DLGAP2: variants seen among roughly 807,000 people sequenced by gnomAD.
DLGAP2 encodes DLG associated protein 2.
Under a neutral mutation model 100.3 loss-of-function variants are expected in DLGAP2, and 26 were observed. That is an observed-to-expected ratio of 0.26 (90% CI 0.19 to 0.36). The LOEUF is 0.36. Ranked by LOEUF, DLGAP2 falls within the 10% of genes least tolerant of loss-of-function variation. DLGAP2 has a pLI of 1.00. For synonymous variants in DLGAP2, 886 were observed against 630.1 expected, an observed-to-expected ratio of 1.41 and a Z score of -6.08; for missense variants, 1,858 against 1,453.2, an observed-to-expected ratio of 1.28 and a Z score of -4.53.
chr8:822,751 C>G (rs114576532), intron 1 of DLGAP2, among the ~76,000 whole-genome samples: 3 of 152,098 alleles, frequency 2.0e-5, no homozygotes, highest in South Asian at 4.1e-4. Flanking sequence ...TGTCCACAGG[C>G]CTGGGCGTGG....
At chr8:1,230,959 T>C (rs1244156376) in intron 2 of DLGAP2, among the ~76,000 whole-genome samples, 1 of 152,214 alleles carries the variant, frequency 6.6e-6, no homozygotes, top group African/African-American at 2.4e-5. Flanking sequence ...AAAGGATTTA[T>C]GACTTAAGTC....
At chr8:816,409 C>G (rs1388710613) in intron 1 of DLGAP2, among the ~76,000 whole-genome samples, 1 of 151,938 alleles carries the variant, frequency 6.6e-6, no homozygotes, top group African/African-American at 2.4e-5. Flanking sequence ...TCTTATAGTG[C>G]TGGCTTGGTA....
chr8:1,330,682 G>A (rs541608675), intron 3 of DLGAP2, among the ~76,000 whole-genome samples: 6 of 147,510 alleles, frequency 4.1e-5, no homozygotes, highest in African/African-American at 1.0e-4. Context: ...CCGCTTCATG[G>A]GGACTGAGTT....
intron 3 of DLGAP2, among the ~76,000 whole-genome samples, chr8:1,433,918 C>T (rs1425592283): frequency 6.6e-6 from 1 of 152,110 alleles, no homozygotes; most frequent in African/African-American, 2.4e-5. Context: ...CTTACACTCT[C>T]AGAAACCGAG....
At chr8:1,138,859 T>C (rs1284068771) in intron 2 of DLGAP2, among the ~76,000 whole-genome samples, 2 of 152,026 alleles carry the variant, frequency 1.3e-5, no homozygotes, top group African/African-American at 4.8e-5. Context: ...TGGGAAACTC[T>C]TCCTGTTTAT....
chr8:1,613,903 A>C (rs759812689), intron 6 of DLGAP2, among the ~76,000 whole-genome samples: 20 of 152,246 alleles, frequency 1.3e-4, no homozygotes, highest in Non-Finnish European at 2.9e-4. Context: ...AAAATGTTGA[A>C]TGCCAAAGGA....
chr8:1,096,780 G>A (rs1804386489), intron 2 of DLGAP2, among the ~76,000 whole-genome samples: 1 of 145,188 alleles, frequency 6.9e-6, no homozygotes, highest in Non-Finnish European at 1.5e-5. Flanking sequence ...CACCCTCTGT[G>A]GCATGGAGAG....
intron 4 of DLGAP2, among the ~76,000 whole-genome samples, chr8:1,514,184 G>C (rs1800278060): frequency 6.6e-6 from 1 of 152,282 alleles, no homozygotes; most frequent in African/African-American, 2.4e-5. Flanking sequence ...TGACGGGAAA[G>C]AGGAATTGTA....
In DLGAP2 at chr8:1,330,105, A is replaced by G. The variant is rs190760926; in HGVS notation, c.106+71222A>G. Among the ~76,000 whole-genome samples, 3 of 152,284 alleles carry G rather than the reference A, an allele frequency of 2.0e-5. No homozygotes were observed. In the East Asian group the frequency reaches 5.8e-4, roughly 29 times the overall value. On this transcript the variant is annotated intron_variant, in intron 3 of 14. Coordinates refer to ENST00000637795, the MANE Select transcript of DLGAP2 (RefSeq NM_001346810.2). ...TCATGTGGGGTCGAGGTTTCTTTGT[A>G]TCTTGCCCCTGCGAGAGGTGTGGCT...
At chr8:1,037,390 G>C (rs940813898) in intron 2 of DLGAP2, among the ~76,000 whole-genome samples, 4 of 152,046 alleles carry the variant, frequency 2.6e-5, no homozygotes, top group Non-Finnish European at 5.9e-5. Context: ...GGCTTCCCTC[G>C]GTGTTATCAT....
At chr8:812,753 C>T (rs991175433) in intron 1 of DLGAP2, among the ~76,000 whole-genome samples, 2 of 152,116 alleles carry the variant, frequency 1.3e-5, no homozygotes, top group African/African-American at 2.4e-5. Context: ...ATACGGCATA[C>T]AGGAGCTAAG....
rs568139879 is a variant in DLGAP2 at position 1,622,540 on chromosome 8, C to T, written c.1443-4200C>T. ...TTCAGCAAGCAGCTCTGGAACCATT[C>T]GCAAAGGGCGAGAACAAGGTTGAAC... On this transcript the variant is annotated intron_variant, in intron 6 of 14. Coordinates refer to ENST00000637795, the MANE Select transcript of DLGAP2 (RefSeq NM_001346810.2). 7.9e-5 allele frequency: 12 copies of T among 152,308 alleles called. No homozygotes were observed. The East Asian group carries it at 2.3e-3, about 29-fold the overall frequency. 9.4% of individuals were successfully genotyped at this position (152,308 alleles called of 1,614,324 possible). A position where few individuals can be genotyped will look rare whatever the true frequency, so the allele number is the denominator to read the frequency against.
intron 6 of DLGAP2, among the ~76,000 whole-genome samples, chr8:1,599,481 T>C (rs1269215374): frequency 6.6e-6 from 1 of 152,178 alleles, no homozygotes; most frequent in African/African-American, 2.4e-5. Context: ...CCATTATTAT[T>C]GTATGGGAGT....
At chr8:906,851 C>G (rs1465038012) in intron 1 of DLGAP2, among the ~76,000 whole-genome samples, 1 of 152,210 alleles carries the variant, frequency 6.6e-6, no homozygotes, top group East Asian at 1.9e-4. Flanking sequence ...GTTTTATTTT[C>G]TGTCTCTGTT....
At chr8:1,620,278 G>A (rs1056336454) in intron 6 of DLGAP2, 1 of 152,130 alleles carries the variant, frequency 6.6e-6, no homozygotes, top group Admixed American at 6.5e-5. Flanking sequence ...TCTGCTCCGG[G>A]GCCGGGCTCC....
At chr8:1,099,099 A>C (rs113883918) in intron 2 of DLGAP2, among the ~76,000 whole-genome samples, 1 of 152,060 alleles carries the variant, frequency 6.6e-6, no homozygotes, top group African/African-American at 2.4e-5. Context: ...GGCAAAAACT[A>C]TTTACTAAAA....
chr8:743,293 A>T (rs533006479), intron 1 of DLGAP2, among the ~76,000 whole-genome samples: 1 of 152,164 alleles, frequency 6.6e-6, no homozygotes, highest in Admixed American at 6.5e-5. Flanking sequence ...ACCCAAAACT[A>T]CAAAGCCATG....
At chr8:977,095 G>A (rs58498887) in intron 2 of DLGAP2, among the ~76,000 whole-genome samples, 3,069 of 152,250 alleles carry the variant, frequency 0.02, 108 homozygotes, top group African/African-American at 0.068. Context: ...TCCAAAAATG[G>A]TACTCAGCCA....
At chr8:1,278,889 T>A (rs759773013) in intron 3 of DLGAP2, among the ~76,000 whole-genome samples, 3 of 152,202 alleles carry the variant, frequency 2.0e-5, no homozygotes, top group Non-Finnish European at 4.4e-5. Context: ...ATTTAATGTT[T>A]AGGGGATATT....
Sources: gnomAD v4.1 joint callset for allele counts (sites outside exome capture counted in the v4.1 genomes callset) on GRCh38, gnomAD v4.1.1 for gene constraint, MANE v1.5 for transcripts, NCBI Gene and HGNC (gene_info 2026-07-23, HGNC 2026-07-21) for gene names.